SLC35F1: variants seen among roughly 807,000 people sequenced by gnomAD.
SLC35F1 encodes the protein solute carrier family 35 member F1.
SLC35F1 carries 14 observed loss-of-function variants against 48.7 expected under a neutral mutation model. The ratio of observed to expected loss-of-function variants is 0.29; its 90% CI spans 0.19 to 0.45. The LOEUF is 0.45. SLC35F1 is among the 20% of genes least tolerant of loss of function. The probability of loss-of-function intolerance (pLI) is 1.00; values close to 1 mark genes in which losing one functional copy is unlikely to be tolerated. For synonymous variants in SLC35F1, 190 were observed against 202.2 expected, an observed-to-expected ratio of 0.94 and a Z score of 0.51; for missense variants, 404 against 500.0, an observed-to-expected ratio of 0.81 and a Z score of 1.83.
chr6:117,938,555 C>T (rs1324576557), intron 1 of SLC35F1, among the ~76,000 whole-genome samples: 1 of 152,212 alleles, frequency 6.6e-6, no homozygotes, highest in Non-Finnish European at 1.5e-5. Context: ...ATTTTGCCAG[C>T]AGGAGGGGCG....
At chr6:117,908,772 TA>T (rs967547554) in intron 1 of SLC35F1, among the ~76,000 whole-genome samples, 3 of 152,232 alleles carry the variant, frequency 2.0e-5, no homozygotes, top group African/African-American at 4.8e-5. Context: ...GCTGACACCT[TA>T]AAAAATTGTA....
chr6:118,145,065 A>G (rs576518773), intron 1 of SLC35F1, among the ~76,000 whole-genome samples: 22 of 152,298 alleles, frequency 1.4e-4, no homozygotes, highest in African/African-American at 5.1e-4. Flanking sequence ...CCGATACTAC[A>G]GTCTATCAAT....
chr6:118,235,581 A>C lies in SLC35F1; in HGVS notation c.422A>C (p.Glu141Ala). 6.2e-7 allele frequency: 1 copy of C among 1,613,556 alleles called. No individual in the cohort carries two copies. Among genetic ancestry groups the C allele is most frequent in the South Asian group, 1.1e-5 (1 of 91,024 alleles). ...ATGATTTTGGGACTCATAGACCTGG[A>C]AGCAAATTATCTGGTGGTCAAGGCT... is the stretch of plus-strand genomic sequence containing the variant. ...KYMILGLIDL[E>A]ANYLVVKAYQ... Residue 141 changes from glutamate (E) to alanine (A), a missense_variant, in exon 3 of 8, where the codon GAA (glutamate) becomes GCA (alanine). Coordinates refer to ENST00000360388, the MANE Select transcript of SLC35F1 (RefSeq NM_001029858.4).
chr6:118,023,097 A>C (rs985843263), intron 1 of SLC35F1, among the ~76,000 whole-genome samples: 4 of 152,106 alleles, frequency 2.6e-5, no homozygotes, highest in African/African-American at 9.7e-5. Context: ...CTTATACAGG[A>C]ATAGAGAATG....
intron 1 of SLC35F1, among the ~76,000 whole-genome samples, chr6:118,071,965 TC>T (rs1239091884): frequency 6.6e-6 from 1 of 152,202 alleles, no homozygotes; most frequent in Non-Finnish European, 1.5e-5. Flanking sequence ...GAGGTTCATA[TC>T]CTTTAGCTCC....
At chr6:118,167,428 T>A (rs1204724146) in intron 2 of SLC35F1, among the ~76,000 whole-genome samples, 1 of 152,184 alleles carries the variant, frequency 6.6e-6, no homozygotes, top group African/African-American at 2.4e-5. Context: ...CTAGGCTACA[T>A]GGTTAGCCTA....
chr6:118,072,637 G>A (rs1424802200), intron 1 of SLC35F1, among the ~76,000 whole-genome samples: 1 of 151,988 alleles, frequency 6.6e-6, no homozygotes, highest in Non-Finnish European at 1.5e-5. Context: ...GTTTCCTACA[G>A]GATAATATTT....
At chr6:118,135,005 T>G (rs1403264850) in intron 1 of SLC35F1, among the ~76,000 whole-genome samples, 1 of 152,156 alleles carries the variant, frequency 6.6e-6, no homozygotes. Context: ...GCTAAATCAG[T>G]AGATGGAGGA....
intron 3 of SLC35F1, among the ~76,000 whole-genome samples, chr6:118,236,048 T>A (rs1775361213): frequency 6.6e-6 from 1 of 152,224 alleles, no homozygotes; most frequent in Non-Finnish European, 1.5e-5. Flanking sequence ...CTTTTTAGAA[T>A]GTTAATAGAC....
intron 1 of SLC35F1, among the ~76,000 whole-genome samples, chr6:117,931,985 G>A (rs917611927): frequency 5.9e-5 from 9 of 152,222 alleles, no homozygotes; most frequent in East Asian, 1.9e-4. Context: ...ATGATTAAGA[G>A]TGGGGTCTTT....
intron 1 of SLC35F1, among the ~76,000 whole-genome samples, chr6:118,073,705 T>C (rs573051005): frequency 4.0e-4 from 61 of 152,316 alleles, no homozygotes; most frequent in Non-Finnish European, 6.6e-4. Context: ...ATTTTTTATA[T>C]CAATATTTGA....
chr6:118,091,025 AG>A (rs1414504943), intron 1 of SLC35F1, among the ~76,000 whole-genome samples: 1 of 152,174 alleles, frequency 6.6e-6, no homozygotes, highest in Non-Finnish European at 1.5e-5. Context: ...TGAGAAAAAG[AG>A]AGAGAAATAA....
intron 1 of SLC35F1, among the ~76,000 whole-genome samples, chr6:117,914,085 CCTATCTATCTATCTATCTATCTAT>C (rs60175681): frequency 4.8e-5 from 7 of 145,260 alleles, no homozygotes; most frequent in East Asian, 2.1e-4. Context: ...ACAAAAGAAT[CCTATCTATCTATCTATCTATCTAT>C]CTATCTATCT....
intron 1 of SLC35F1, among the ~76,000 whole-genome samples, chr6:118,014,362 G>C (rs1023836722): frequency 1.3e-5 from 2 of 152,204 alleles, no homozygotes; most frequent in East Asian, 3.9e-4. Context: ...ATTAAATGGG[G>C]CTCTTGATGG....
chr6:118,289,018 C>T (rs1776085089), intron 7 of SLC35F1, among the ~76,000 whole-genome samples: 1 of 152,200 alleles, frequency 6.6e-6, no homozygotes, highest in Admixed American at 6.5e-5. Flanking sequence ...TCACCCACCC[C>T]CAGCTCCTCA....
rs142781478 is a variant in SLC35F1 at position 117,986,514 on chromosome 6, C to A, written c.173+78615C>A. On this transcript the variant is annotated intron_variant, in intron 1 of 7. Coordinates refer to ENST00000360388, the MANE Select transcript of SLC35F1 (RefSeq NM_001029858.4). ...TATTTTCTACAAGTGCTAGAGCCAC[C>A]CTGGAAGTTGGATGTTTGAAACTGA... is the stretch of plus-strand genomic sequence containing the variant. 3.1e-3 allele frequency among the ~76,000 whole-genome samples: 466 copies of A among 152,090 alleles called. 1 individual carries two copies. Among genetic ancestry groups the A allele is most frequent in the African/African-American group, 0.011 (441 of 41,486 alleles).
At chr6:118,090,318 T>C (rs770157285) in intron 1 of SLC35F1, among the ~76,000 whole-genome samples, 89 of 152,234 alleles carry the variant, frequency 5.8e-4, no homozygotes, top group Non-Finnish European at 1.1e-3. Context: ...GAGGATGTAG[T>C]GGTGAATAAG....
chr6:118,016,848 G>T (rs1267821421), intron 1 of SLC35F1, among the ~76,000 whole-genome samples: 2 of 152,194 alleles, frequency 1.3e-5, no homozygotes, highest in Admixed American at 6.5e-5. Context: ...AAAAGGAAAA[G>T]GCTCCAAGCC....
intron 1 of SLC35F1, among the ~76,000 whole-genome samples, chr6:117,986,673 C>T (rs957722614): frequency 6.6e-5 from 10 of 152,170 alleles, no homozygotes; most frequent in African/African-American, 2.2e-4. Flanking sequence ...TTTCCGTCTC[C>T]ACTAGTGGGA....
Sources: allele counts gnomAD v4.1 joint callset (sites outside exome capture counted in the v4.1 genomes callset), GRCh38; gene constraint gnomAD v4.1.1; transcripts MANE v1.5; gene names NCBI Gene and HGNC (gene_info 2026-07-23, HGNC 2026-07-21).